The following FAM13C variants were observed in gnomAD, a reference collection of about 807,000 sequenced individuals.
The protein encoded by FAM13C is family with sequence similarity 13 member C.
FAM13C carries 37 observed loss-of-function variants against 73.2 expected under a neutral mutation model. The ratio of observed to expected loss-of-function variants is 0.51; its 90% confidence interval spans 0.39 to 0.67. The LOEUF (loss-of-function observed/expected upper bound fraction) is 0.67, where lower values mean the gene tolerates loss of function less well. FAM13C is among the 30% of genes least tolerant of loss of function. The pLI is 0.00. For missense variants in FAM13C, 589 were observed against 715.6 expected (o/e 0.82, Z 2.02); for synonymous variants, 246 against 260.9 (o/e 0.94, Z 0.55).
intron 4 of FAM13C, among the ~76,000 whole-genome samples, chr10:59,308,127 A>G (rs1414312659): frequency 6.6e-6 from 1 of 152,144 alleles, no homozygotes; most frequent in Admixed American, 6.5e-5. Context: ...GCAAATATAT[A>G]TCAAATGCAT....
chr10:59,336,205 C>A (rs991585610), intron 3 of FAM13C, among the ~76,000 whole-genome samples: 3 of 150,238 alleles, frequency 2.0e-5, no homozygotes, highest in Non-Finnish European at 4.5e-5. Flanking sequence ...CACCCTAATG[C>A]AGACTCTTCT....
intron 8 of FAM13C, among the ~76,000 whole-genome samples, chr10:59,265,833 T>G (rs1018315882): frequency 6.6e-6 from 1 of 152,204 alleles, no homozygotes; most frequent in Non-Finnish European, 1.5e-5. Context: ...GGATGGCAGC[T>G]CTCAAATCAC....
intron 4 of FAM13C, among the ~76,000 whole-genome samples, chr10:59,315,446 G>T (rs2452498): frequency 0.97 from 147,706 of 151,908 alleles, 71,943 homozygotes; most frequent in East Asian, 1. Flanking sequence ...ATTTAGTGGG[G>T]TTTTTTTTGT....
intron 5 of FAM13C, 87 bp downstream of exon 5, chr10:59,302,714 G>A: frequency 8.0e-7 from 1 of 1,249,336 alleles, no homozygotes; most frequent in East Asian, 2.3e-5. Context: ...GTTTTCATGA[G>A]AATGAATTCC....
chr10:59,311,834 T>C lies in FAM13C; in HGVS notation c.444-8970A>G, dbSNP rs193020008. On this transcript the variant is annotated intron_variant, in intron 4 of 13. Coordinates refer to ENST00000618804, the MANE Select transcript of FAM13C (RefSeq NM_198215.4). Reference sequence around the variant, plus strand: ...CACAGTTCCTCAGAGAGACCCCAGTTGCTCAGAGTGGCAACCTACCAAGTA... The same window carrying C: ...CACAGTTCCTCAGAGAGACCCCAGTCGCTCAGAGTGGCAACCTACCAAGTA... Among the ~76,000 whole-genome samples, 529 of 152,214 alleles carry C rather than the reference T, an allele frequency of 3.5e-3. 1 individual carries two copies. Among genetic ancestry groups the C allele is most frequent in the Non-Finnish European group, 3.0e-3 (207 of 68,006 alleles).
intron 3 of FAM13C, among the ~76,000 whole-genome samples, chr10:59,330,303 T>C (rs284633): frequency 0.072 from 10,948 of 152,236 alleles, 506 homozygotes; most frequent in Non-Finnish European, 0.1. Flanking sequence ...CCAGAGTTCT[T>C]TCCATTATAT....
intron 4 of FAM13C, among the ~76,000 whole-genome samples, chr10:59,315,983 G>A (rs1418680008): frequency 2.0e-5 from 3 of 152,158 alleles, no homozygotes; most frequent in Admixed American, 6.5e-5. Context: ...AGGCTGCAGT[G>A]CAGTGGCATG....
chr10:59,271,537 G>T (rs1020150854), intron 6 of FAM13C, among the ~76,000 whole-genome samples: 1 of 152,136 alleles, frequency 6.6e-6, no homozygotes, highest in South Asian at 2.1e-4. Context: ...GAGGCAAATG[G>T]CAGTGCCTCC....
chr10:59,293,149 A>C (rs950030187), intron 5 of FAM13C, among the ~76,000 whole-genome samples: 41 of 137,728 alleles, frequency 3.0e-4, no homozygotes, highest in African/African-American at 1.1e-3. Context: ...TCTCAGCTCA[A>C]TGCAAACTCC....
At chr10:59,313,962 T>C (rs1849237046) in intron 4 of FAM13C, among the ~76,000 whole-genome samples, 1 of 152,164 alleles carries the variant, frequency 6.6e-6, no homozygotes, top group African/African-American at 2.4e-5. Flanking sequence ...AACTGCACAG[T>C]CAAAAGAATT....
At chr10:59,281,875 A>C (rs1012022058) in intron 6 of FAM13C, among the ~76,000 whole-genome samples, 1 of 152,230 alleles carries the variant, frequency 6.6e-6, no homozygotes, top group Non-Finnish European at 1.5e-5. Flanking sequence ...AAATCATCAA[A>C]TAACTCAACA....
chr10:59,268,223 GAAAA>G (rs375142014), intron 8 of FAM13C, among the ~76,000 whole-genome samples: 1 of 134,604 alleles, frequency 7.4e-6, no homozygotes, highest in African/African-American at 3.2e-5. Context: ...AAAGAAAAAA[GAAAA>G]AGAAGAAGAA....
rs989861173 is a variant in FAM13C at position 59,326,436 on chromosome 10, G to A, written c.325-2330C>T. On this transcript the variant is annotated intron_variant, in intron 3 of 13. Transcript: ENST00000618804. ...TCCTGAATACTGATGAATGGAACAGGCTCTGATGTGATAGGTATGTGTGAT... is the reference window on the plus strand; with the variant it reads ...TCCTGAATACTGATGAATGGAACAGACTCTGATGTGATAGGTATGTGTGAT... 1.8e-4 allele frequency among the ~76,000 whole-genome samples: 27 copies of A among 152,048 alleles called. 1 individual carries two copies.
intron 13 of FAM13C, among the ~76,000 whole-genome samples, chr10:59,248,511 G>A (rs1021020265): frequency 6.6e-6 from 1 of 152,126 alleles, no homozygotes; most frequent in African/African-American, 2.4e-5. Context: ...GTTTTCTAAA[G>A]GGAAAAATTG....
At chr10:59,255,955 C>A (rs1386084652) in intron 10 of FAM13C, among the ~76,000 whole-genome samples, 1 of 151,934 alleles carries the variant, frequency 6.6e-6, no homozygotes, top group Non-Finnish European at 1.5e-5. Context: ...ACTAAGCTAT[C>A]AACACAGGTT....
intron 6 of FAM13C, among the ~76,000 whole-genome samples, chr10:59,279,008 C>T (rs1327858418): frequency 6.6e-6 from 1 of 152,194 alleles, no homozygotes; most frequent in Non-Finnish European, 1.5e-5. Flanking sequence ...CCAGATGCTC[C>T]TAGTAGGATA....
In FAM13C at chr10:59,291,785, C is replaced by CTT. The variant is rs3078288; in HGVS notation, c.508-8340_508-8339dup. Among the ~76,000 whole-genome samples, 82 of 72,752 alleles carry CTT rather than the reference C, an allele frequency of 1.1e-3. 1 individual carries two copies. Among genetic ancestry groups the CTT allele is most frequent in the African/African-American group, 2.8e-3 (57 of 20,084 alleles). 47.7% of individuals were successfully genotyped at this position (72,752 alleles called of 152,430 possible). ...AGAATAATACCATTTTATAAACTCC[C>CTT]TTTTTTTTTTTTTTTTTTTTTGAGA... On this transcript the variant is annotated intron_variant, in intron 5 of 13. Coordinates refer to ENST00000618804, the MANE Select transcript of FAM13C (RefSeq NM_198215.4).
chr10:59,347,481 C>T (rs919519670), intron 3 of FAM13C, among the ~76,000 whole-genome samples: 1 of 152,106 alleles, frequency 6.6e-6, no homozygotes. Context: ...AAACTTTAGA[C>T]AGTTACCATC....
chr10:59,251,313 A>G (rs1841351863), intron 13 of FAM13C: 2 of 442,764 alleles, frequency 4.5e-6, no homozygotes, highest in African/African-American at 4.1e-5. Context: ...GATGAGATTT[A>G]TTGTGCAAAG....
Sources: allele counts gnomAD v4.1 joint callset (sites outside exome capture counted in the v4.1 genomes callset), GRCh38; gene constraint gnomAD v4.1.1; transcripts MANE v1.5; gene names NCBI Gene and HGNC (gene_info 2026-07-23, HGNC 2026-07-21).